The following CNTN1 variants were observed in gnomAD, a reference collection of about 807,000 sequenced individuals.
The protein encoded by CNTN1 is contactin-1.
In CNTN1, 38 loss-of-function variants were observed where a neutral mutation model predicts 126.4. The ratio of observed to expected loss-of-function variants is 0.30; its 90% CI spans 0.23 to 0.39. CNTN1 has a LOEUF of 0.39. CNTN1 is among the 10% of genes least tolerant of loss of function. The probability of loss-of-function intolerance (pLI) is 1.00; values close to 1 mark genes in which losing one functional copy is unlikely to be tolerated. For missense variants in CNTN1, 1,009 were observed against 1,248.4 expected, an observed-to-expected ratio of 0.81 and a Z score of 2.89; for synonymous variants, 413 against 422.6, an observed-to-expected ratio of 0.98 and a Z score of 0.28.
intron 1 of CNTN1, among the ~76,000 whole-genome samples, chr12:40,876,678 A>G (rs1303971990): frequency 6.6e-6 from 1 of 152,098 alleles, no homozygotes; most frequent in African/African-American, 2.4e-5. Context: ...ATACCAAAAC[A>G]TTTCCTATTA....
intron 1 of CNTN1, among the ~76,000 whole-genome samples, chr12:40,773,658 C>CAT (rs1255206640): frequency 0.011 from 91 of 8,282 alleles, 2 homozygotes; most frequent in African/African-American, 0.017. Flanking sequence ...TATATATACA[C>CAT]ATATATATAT....
chr12:40,941,723 T>G (rs996790325), intron 12 of CNTN1, among the ~76,000 whole-genome samples: 3 of 152,008 alleles, frequency 2.0e-5, no homozygotes, highest in African/African-American at 7.2e-5. Context: ...TCTTTTCTAC[T>G]CCAGAGGTTA....
intron 1 of CNTN1, among the ~76,000 whole-genome samples, chr12:40,719,991 C>T (rs1221205229): frequency 1.3e-5 from 2 of 151,492 alleles, no homozygotes; most frequent in African/African-American, 4.9e-5. Flanking sequence ...GCGCATGCAC[C>T]ACGCCCGGTT....
At chr12:40,980,533 T>A (rs1283529588) in intron 15 of CNTN1, among the ~76,000 whole-genome samples, 3 of 151,634 alleles carry the variant, frequency 2.0e-5, no homozygotes, top group Admixed American at 2.0e-4. Flanking sequence ...AATGTTCCCA[T>A]ATCTAAACTG....
At chr12:40,980,562 T>C in intron 15 of CNTN1, among the ~76,000 whole-genome samples, 1 of 152,080 alleles carries the variant, frequency 6.6e-6, no homozygotes, top group Middle Eastern at 3.2e-3. Flanking sequence ...TACCATCTGA[T>C]TCATGCATTC....
At chr12:41,059,423 G>A (rs1003220524) in intron 23 of CNTN1, among the ~76,000 whole-genome samples, 1 of 152,142 alleles carries the variant, frequency 6.6e-6, no homozygotes, top group African/African-American at 2.4e-5. Flanking sequence ...GAAACCTCTA[G>A]TCATTTTCAA....
At chr12:41,040,416 G>T (rs1949372395) in intron 23 of CNTN1, among the ~76,000 whole-genome samples, 1 of 152,054 alleles carries the variant, frequency 6.6e-6, no homozygotes, top group South Asian at 2.1e-4. Flanking sequence ...AATAAACACA[G>T]ACATAGGATA....
intron 5 of CNTN1, 125 bp downstream of exon 5, chr12:40,922,553 A>AC: frequency 1.2e-6 from 1 of 836,694 alleles, no homozygotes; most frequent in South Asian, 1.4e-5. Flanking sequence ...AGATGAGTGG[A>AC]CCCTAATTGT....
chr12:40,723,036 G>C (rs11178067), intron 1 of CNTN1, among the ~76,000 whole-genome samples: 92,613 of 151,730 alleles, frequency 0.61, 29,049 homozygotes, highest in East Asian at 0.84. Context: ...AAATCTCTCA[G>C]CCTGCTTTAT....
intron 22 of CNTN1, among the ~76,000 whole-genome samples, chr12:41,028,763 C>A (rs952451003): frequency 6.6e-6 from 1 of 152,010 alleles, no homozygotes; most frequent in Admixed American, 6.6e-5. Flanking sequence ...TCATTTTGGA[C>A]TTTTTTCTTA....
intron 23 of CNTN1, among the ~76,000 whole-genome samples, chr12:41,053,652 C>T (rs1216862720): frequency 2.7e-5 from 4 of 150,464 alleles, no homozygotes; most frequent in African/African-American, 9.7e-5. Context: ...TGAAAACTGT[C>T]GTCATCAAGA....
At chr12:41,008,376 C>T (rs1948556185) in intron 17 of CNTN1, among the ~76,000 whole-genome samples, 1 of 152,026 alleles carries the variant, frequency 6.6e-6, no homozygotes, top group Non-Finnish European at 1.5e-5. Context: ...TGTTGCTGTA[C>T]TTTATCAGAA....
intron 23 of CNTN1, among the ~76,000 whole-genome samples, chr12:41,068,124 G>A (rs12826830): frequency 0.083 from 12,668 of 152,176 alleles, 796 homozygotes; most frequent in African/African-American, 0.17. Context: ...AAAAGTGCAT[G>A]GCCTTTGCAG....
intron 1 of CNTN1, among the ~76,000 whole-genome samples, chr12:40,832,129 G>T (rs1427264740): frequency 6.6e-6 from 1 of 152,116 alleles, no homozygotes; most frequent in Non-Finnish European, 1.5e-5. Flanking sequence ...GACTTAATAG[G>T]CAGTGAACAC....
At chr12:40,833,359 G>C (rs142348115) in intron 1 of CNTN1, among the ~76,000 whole-genome samples, 1 of 152,228 alleles carries the variant, frequency 6.6e-6, no homozygotes. Context: ...GCCTCCCAAA[G>C]TGCTGAGATT....
intron 1 of CNTN1, among the ~76,000 whole-genome samples, chr12:40,878,716 G>T (rs145264979): frequency 1.1e-4 from 17 of 152,148 alleles, no homozygotes; most frequent in African/African-American, 3.4e-4. Flanking sequence ...AATAGCTATC[G>T]CCATGATTCC....
intron 15 of CNTN1, among the ~76,000 whole-genome samples, chr12:40,970,397 G>A (rs1473543776): frequency 2.0e-5 from 3 of 152,044 alleles, no homozygotes; most frequent in Non-Finnish European, 4.4e-5. Context: ...TGCTTAAAAT[G>A]TCAAATGTCT....
At chr12:40,784,327 GT>G (rs747687906) in intron 1 of CNTN1, among the ~76,000 whole-genome samples, 4 of 152,032 alleles carry the variant, frequency 2.6e-5, no homozygotes, top group Non-Finnish European at 1.5e-5. Flanking sequence ...TAGTACTTTA[GT>G]TAAATGCATT....
At chr12:41,061,335 C>G (rs542122051) in intron 23 of CNTN1, among the ~76,000 whole-genome samples, 1 of 152,272 alleles carries the variant, frequency 6.6e-6, no homozygotes, top group East Asian at 1.9e-4. Flanking sequence ...GAAATGCATC[C>G]TGGTGATCTG....
Sources: allele counts gnomAD v4.1 joint callset (sites outside exome capture counted in the v4.1 genomes callset), GRCh38; gene constraint gnomAD v4.1.1; transcripts MANE v1.5; gene names NCBI Gene and HGNC (gene_info 2026-07-23, HGNC 2026-07-21).